Variants in KCNQ1 observed in about 807,000 individuals in gnomAD.
The protein encoded by KCNQ1 is potassium voltage-gated channel subfamily KQT member 1.
Under a neutral mutation model 72.4 loss-of-function variants are expected in KCNQ1, and 49 were observed. The ratio of observed to expected loss-of-function variants is 0.68; its 90% CI spans 0.54 to 0.86. KCNQ1 has a LOEUF of 0.86. Ranked by LOEUF, KCNQ1 falls within the 40% of genes least tolerant of loss-of-function variation. KCNQ1 has a pLI of 0.00. For synonymous variants in KCNQ1, 450 were observed against 412.6 expected (o/e 1.09, Z -1.10); for missense variants, 790 against 945.1 (o/e 0.84, Z 2.15).
At chr11:2,582,060 C>T (rs948145704) in intron 6 of KCNQ1, among the ~76,000 whole-genome samples, 1 of 152,216 alleles carries the variant, frequency 6.6e-6, no homozygotes, top group Non-Finnish European at 1.5e-5. Flanking sequence ...GAGGCCTGTC[C>T]CGCCCTGTGG....
At chr11:2,705,893 G>A (rs1850903574) in intron 11 of KCNQ1, among the ~76,000 whole-genome samples, 1 of 152,196 alleles carries the variant, frequency 6.6e-6, no homozygotes, top group African/African-American at 2.4e-5. Context: ...CTCTGTACTT[G>A]TAGAGGGTGA....
chr11:2,451,893 C>G lies in KCNQ1; in HGVS notation c.386+6409C>G, dbSNP rs1846123580. On this transcript the variant is annotated intron_variant, in intron 1 of 15. Coordinates refer to ENST00000155840, the MANE Select transcript of KCNQ1 (RefSeq NM_000218.3). The surrounding 1 kb of genome is among the most constrained non-coding windows in gnomAD (Gnocchi z 6.4). Reference sequence around the variant, plus strand: ...GAAGCCCTTAGGATGCCCAGAAGCCCTTAGGATGCTGTGGTCTCAAGTGAG... The same window carrying G: ...GAAGCCCTTAGGATGCCCAGAAGCCGTTAGGATGCTGTGGTCTCAAGTGAG... Among the ~76,000 whole-genome samples, 1 of 152,190 alleles carries G rather than the reference C, an allele frequency of 6.6e-6. No individual in the cohort carries two copies. The highest frequency in any genetic ancestry group is 1.5e-5 in the Non-Finnish European group (1 of 68,030).
intron 11 of KCNQ1, among the ~76,000 whole-genome samples, chr11:2,719,983 C>T (rs1029557788): frequency 2.0e-5 from 3 of 152,248 alleles, no homozygotes; most frequent in Admixed American, 2.0e-4. Context: ...CCTTGCACGC[C>T]TGGGCGGAGG....
chr11:2,749,669 C>A (rs923044537), intron 11 of KCNQ1, among the ~76,000 whole-genome samples: 10 of 140,572 alleles, frequency 7.1e-5, no homozygotes, highest in African/African-American at 2.3e-4. Flanking sequence ...AAAAATTGTC[C>A]GGGCGCGGTG....
chr11:2,617,386 T>A lies in KCNQ1; in HGVS notation c.1393+28532T>A, dbSNP rs1020569572. 2.5e-6 allele frequency: 1 copy of A among 398,474 alleles called. No homozygotes were observed. The allele number at this position is 398,474 out of a possible 1,614,324, so 24.7% of individuals were successfully genotyped here. A position where few individuals can be genotyped will look rare whatever the true frequency, so the allele number is the denominator to read the frequency against. On this transcript the variant is annotated intron_variant, in intron 10 of 15. Transcript: ENST00000155840. This position sits in a 1 kb window ranked among gnomAD's most constrained non-coding sequence, Gnocchi z 4.6. ...GCACAATGTCTTCCAGTTTCATCCA[T>A]GTGGCAAGTGGCAGGATCTCCTTTT...
rs186134474 is a variant in KCNQ1 at position 2,669,493 on chromosome 11, A to G, written c.1514+7412A>G. The G allele has an allele frequency of 6.5e-5, 26 of 398,628 alleles. No individual in the cohort carries two copies. Among genetic ancestry groups the G allele is most frequent in the African/African-American group, 4.1e-4 (20 of 48,746 alleles). The allele number at this position is 398,628 out of a possible 1,614,324, so 24.7% of individuals were successfully genotyped here. A position where few individuals can be genotyped will look rare whatever the true frequency, so the allele number is the denominator to read the frequency against. ...TGGTCATGAACAGCTTGTCAGATTCATTCCTTGTCAGCTAATGGTTTGATG... is the reference window on the plus strand; with the variant it reads ...TGGTCATGAACAGCTTGTCAGATTCGTTCCTTGTCAGCTAATGGTTTGATG... On this transcript the variant is annotated intron_variant, in intron 11 of 15. Coordinates refer to ENST00000155840, the MANE Select transcript of KCNQ1 (RefSeq NM_000218.3). The surrounding 1 kb of genome is among the most constrained non-coding windows in gnomAD (Gnocchi z 5.6).
chr11:2,499,218 T>C (rs1330464987), intron 1 of KCNQ1, among the ~76,000 whole-genome samples: 1 of 152,358 alleles, frequency 6.6e-6, no homozygotes, highest in South Asian at 2.1e-4. Context: ...TGCTTGTTTA[T>C]GCAATTAGTG....
chr11:2,838,891 G>A (rs1037435333), intron 15 of KCNQ1, among the ~76,000 whole-genome samples: 7 of 152,166 alleles, frequency 4.6e-5, no homozygotes, highest in African/African-American at 7.2e-5. Context: ...AAATGCAGGT[G>A]GGGCCTGTGC....
chr11:2,582,448 C>T (rs1289281060), intron 6 of KCNQ1, among the ~76,000 whole-genome samples: 1 of 152,228 alleles, frequency 6.6e-6, no homozygotes, highest in Non-Finnish European at 1.5e-5. Context: ...GCTGGGAATC[C>T]AGTGGGGGTC....
At chr11:2,684,474 A>G in intron 11 of KCNQ1, 1 of 398,620 alleles carries the variant, frequency 2.5e-6, no homozygotes. Flanking sequence ...ATGCTCCAGA[A>G]CTTTCTGGCT....
intron 6 of KCNQ1, among the ~76,000 whole-genome samples, chr11:2,578,719 C>T (rs541607639): frequency 2.0e-5 from 3 of 152,364 alleles, no homozygotes; most frequent in East Asian, 1.9e-4. Flanking sequence ...TTGGGTGCTG[C>T]GCTCTCCTGA....
intron 2 of KCNQ1, among the ~76,000 whole-genome samples, chr11:2,546,888 T>C (rs565735275): frequency 2.4e-4 from 36 of 152,250 alleles, no homozygotes; most frequent in Non-Finnish European, 2.1e-4. Flanking sequence ...CTCTGAAATC[T>C]GCTTTGTCTG....
At chr11:2,665,288 A>T in intron 11 of KCNQ1, 1 of 398,318 alleles carries the variant, frequency 2.5e-6, no homozygotes, top group Non-Finnish European at 4.4e-6. Flanking sequence ...CCCACCCAGA[A>T]CCATATGACA....
In KCNQ1 at chr11:2,687,645, T is replaced by A. The variant is rs754591523; in HGVS notation, c.1514+25564T>A. 7 of 398,522 alleles carry A rather than the reference T, an allele frequency of 1.8e-5. No individual in the cohort carries two copies. Among genetic ancestry groups the A allele is most frequent in the Non-Finnish European group, 2.7e-5 (6 of 226,140 alleles). 24.7% of individuals were successfully genotyped at this position (398,522 alleles called of 1,614,324 possible). A position where few individuals can be genotyped will look rare whatever the true frequency, so the allele number is the denominator to read the frequency against. On this transcript the variant is annotated intron_variant, in intron 11 of 15. Transcript: ENST00000155840. The surrounding 1 kb of genome is among the most constrained non-coding windows in gnomAD (Gnocchi z 5.0). ...ATTCCTCTCAGGCCCCTGTAAAAAT[T>A]GGGACCTGTCCTTGCCAGCCAGGTC...
At position 2,564,237 on chromosome 11, in the gene KCNQ1, A is replaced by AG. The variant is rs1848215151; in HGVS notation, c.478-6389dup. On this transcript the variant is annotated intron_variant, in intron 2 of 15. Transcript: ENST00000155840. This position sits in a 1 kb window ranked among gnomAD's most constrained non-coding sequence, Gnocchi z 4.5. ...TCCAGAGCTTTTTCATCACCTCAAA[A>AG]GGAAAACCATCCCCATTGCCCTTCT... 6.6e-6 allele frequency among the ~76,000 whole-genome samples: 1 copy of AG among 152,218 alleles called. No individual in the cohort carries two copies. The highest frequency in any genetic ancestry group is 1.5e-5 in the Non-Finnish European group (1 of 68,028).
chr11:2,837,562 G>A (rs1317390243), intron 15 of KCNQ1, among the ~76,000 whole-genome samples: 6 of 152,358 alleles, frequency 3.9e-5, no homozygotes, highest in Admixed American at 2.0e-4. Flanking sequence ...CCCTGCCCTC[G>A]GGGAGGCGGC....
At chr11:2,789,737 C>T (rs954025445) in intron 15 of KCNQ1, among the ~76,000 whole-genome samples, 3 of 152,210 alleles carry the variant, frequency 2.0e-5, no homozygotes, top group East Asian at 1.9e-4. Context: ...CATGAGTTCT[C>T]GCTTTGTCCA....
chr11:2,783,121 A>T lies in KCNQ1; in HGVS notation c.1794+5084A>T, dbSNP rs1161127489. Among the ~76,000 whole-genome samples the T allele has an allele frequency of 2.6e-5, 4 of 152,132 alleles. No individual in the cohort carries two copies. Among genetic ancestry groups the T allele is most frequent in the Non-Finnish European group, 5.9e-5 (4 of 67,984 alleles). On this transcript the variant is annotated intron_variant, in intron 15 of 15. Transcript: ENST00000155840. The surrounding 1 kb of genome is among the most constrained non-coding windows in gnomAD (Gnocchi z 5.2). ...TTAAGGTTATAAATTTTTCCTTTAAATATCATCCAAACTACATCTCCCACA... is the reference window on the plus strand; with the variant it reads ...TTAAGGTTATAAATTTTTCCTTTAATTATCATCCAAACTACATCTCCCACA...
At chr11:2,697,873 A>T (rs1299282058) in intron 11 of KCNQ1, 6 of 398,538 alleles carry the variant, frequency 1.5e-5, no homozygotes, top group Non-Finnish European at 2.7e-5. Context: ...TCGCAATTTT[A>T]AAAAATCCCT....
Sources: allele counts gnomAD v4.1 joint callset (sites outside exome capture counted in the v4.1 genomes callset), GRCh38; gene constraint gnomAD v4.1.1; non-coding constraint Gnocchi (gnomAD v3.1); transcripts MANE v1.5; gene names NCBI Gene and HGNC (gene_info 2026-07-23, HGNC 2026-07-21).